Variants in ARHGEF39 observed in about 807,000 individuals in gnomAD.
ARHGEF39 encodes Rho guanine nucleotide exchange factor (GEF) 39.
ARHGEF39 carries 45 observed loss-of-function variants against 47.5 expected under a neutral mutation model. The ratio of observed to expected loss-of-function variants is 0.95; its 90% confidence interval spans 0.75 to 1.22. The LOEUF is 1.22. Ranked by LOEUF, ARHGEF39 falls within the 50% of genes most tolerant of loss-of-function variation. The pLI is 0.00. For missense variants in ARHGEF39, 411 were observed against 425.3 expected, an observed-to-expected ratio of 0.97 and a Z score of 0.30; for synonymous variants, 164 against 167.8, an observed-to-expected ratio of 0.98 and a Z score of 0.17.
In ARHGEF39 at chr9:35,661,145, G is replaced by A; in HGVS notation, c.*842C>T. The stretch of plus-strand genomic sequence containing the variant: ...GTCACAGCCTTGGCTGGGAAGGAGG[G>A]ACGACAGCTGAAGGTCGACTAAAAC... On this transcript the variant is annotated 3_prime_UTR_variant, in exon 9 of 9. Transcript: ENST00000378387. 2 of 1,610,674 alleles carry A rather than the reference G, an allele frequency of 1.2e-6. No homozygotes were observed. Among genetic ancestry groups the A allele is most frequent in the Non-Finnish European group, 1.7e-6 (2 of 1,177,778 alleles).
chr9:35,659,415 TAC>T lies in ARHGEF39; in HGVS notation c.*2570_*2571del, dbSNP rs1485654607. ...AGTAAATTCTGTTCTTGGACCTGAG[TAC>T]AGTCTGGGAGAAACATAATGTAGCA... On this transcript the variant is annotated 3_prime_UTR_variant, in exon 9 of 9. Transcript: ENST00000378387. 2.0e-5 allele frequency: 3 copies of T among 152,290 alleles called. No homozygotes were observed. The highest frequency in any genetic ancestry group is 6.5e-5 in the Admixed American group (1 of 15,294). 9.4% of individuals were successfully genotyped at this position (152,290 alleles called of 1,614,324 possible). A position where few individuals can be genotyped will look rare whatever the true frequency, so the allele number is the denominator to read the frequency against.
intron 2 of ARHGEF39, 29 bp from the exon 3 acceptor site, chr9:35,664,521 G>T (rs746584169): frequency 1.8e-5 from 28 of 1,569,076 alleles, no homozygotes; most frequent in Admixed American, 6.0e-5. Flanking sequence ...CAAAAGGGCA[G>T]CTCTAGAACC....
rs759993185 is a variant in ARHGEF39, at chr9:35,665,195, C to G, written c.-26G>C. 15 of 1,450,274 alleles carry G rather than the reference C, an allele frequency of 1.0e-5. No homozygotes were observed. The East Asian group carries it at 4.1e-4, about 40-fold the overall frequency. 89.8% of individuals were successfully genotyped at this position (1,450,274 alleles called of 1,614,324 possible). A position where few individuals can be genotyped will look rare whatever the true frequency, so the allele number is the denominator to read the frequency against. ...GCCCTGGCTGAGGGATCGACACTTCCGGCTGCAGTCCGCGGCAGATTCAAA... is the reference window on the plus strand; with the variant it reads ...GCCCTGGCTGAGGGATCGACACTTCGGGCTGCAGTCCGCGGCAGATTCAAA... On this transcript the variant is annotated 5_prime_UTR_variant, in exon 1 of 9. Transcript: ENST00000378387.
In ARHGEF39 at chr9:35,665,043, G is replaced by A; in HGVS notation, c.127C>T (p.Leu43=). The stretch of plus-strand genomic sequence containing the variant: ...GCCAGGTCCCCCACCGTGGCCACCA[G>A]CCCCAGCTGTTCTTGGTAGCGCCGC... ...TERRYQEQLG[L]VATYFLGILK... Residue 43 remains leucine, a synonymous_variant, in exon 1 of 9, where the codon CTG becomes TTG. Transcript: ENST00000378387. 1 of 1,563,076 alleles carries A rather than the reference G, an allele frequency of 6.4e-7. No individual in the cohort carries two copies. Among genetic ancestry groups the A allele is most frequent in the Non-Finnish European group, 8.7e-7 (1 of 1,155,596 alleles).
rs1257149995 is a variant in ARHGEF39, at chr9:35,665,165, T to G, written c.5A>C (p.Glu2Ala). The change falls in exon 1 of 9, where the codon GAG (glutamate) becomes GCG (alanine). Residue 2 changes from glutamate to alanine, a missense_variant. By Grantham distance (107) the Glu-to-Ala change is moderately radical (BLOSUM62 -1). Coordinates refer to ENST00000378387, the MANE Select transcript of ARHGEF39 (RefSeq NM_032818.3). ...GCACCGCGAACCGGGGCAGGAGAGCTCCATGCCCTGGCTGAGGGATCGACA... is the reference window on the plus strand; with the variant it reads ...GCACCGCGAACCGGGGCAGGAGAGCGCCATGCCCTGGCTGAGGGATCGACA... MELSCPGSRCPV... is the reference protein window; with the variant it reads MALSCPGSRCPV... The G allele has an allele frequency of 1.3e-6, 2 of 1,491,012 alleles. No individual in the cohort carries two copies. The highest frequency in any genetic ancestry group is 1.8e-6 in the Non-Finnish European group (2 of 1,115,988). 92.4% of individuals were successfully genotyped at this position (1,491,012 alleles called of 1,614,324 possible). A position where few individuals can be genotyped will look rare whatever the true frequency, so the allele number is the denominator to read the frequency against.
chr9:35,662,428 A>C (rs1165613333), intron 7 of ARHGEF39, 84 bp downstream of exon 7: 2 of 1,471,252 alleles, frequency 1.4e-6, no homozygotes, highest in Non-Finnish European at 1.9e-6. Context: ...TGTTCCTATG[A>C]AAAGGGACCC....
rs760926510 is a variant in ARHGEF39, at chr9:35,662,691, C to T, written c.724G>A (p.Glu242Lys). The stretch of plus-strand genomic sequence containing the variant: ...AGGAAGAACATGCGGGGCCGAGGCT[C>T]CCCATGGGGAGGCACCACTAACAGC... ...GWLLVVPPHG[E>K]PRPRMFFLFT... Residue 242 changes from glutamate (E) to lysine (K), a missense_variant, in exon 7 of 9, where the codon GAG (glutamate) becomes AAG (lysine). Physicochemically the swap from Glu to Lys is moderately conservative, Grantham distance 56. Coordinates refer to ENST00000378387, the MANE Select transcript of ARHGEF39 (RefSeq NM_032818.3). 5 of 1,583,798 alleles carry T rather than the reference C, an allele frequency of 3.2e-6. No homozygotes were observed. The highest frequency in any genetic ancestry group is 4.3e-6 in the Non-Finnish European group (5 of 1,165,214).
intron 8 of ARHGEF39, 88 bp from the exon 9 acceptor site, chr9:35,662,090 A>T: frequency 6.3e-7 from 1 of 1,599,342 alleles, no homozygotes; most frequent in Admixed American, 1.7e-5. Context: ...GGGGTGTGCC[A>T]GACCAATGTA....
Position 35,660,321 on chromosome 9 carries a change from C to A in ARHGEF39, c.*1666G>T. On this transcript the variant is annotated 3_prime_UTR_variant, in exon 9 of 9. Coordinates refer to ENST00000378387, the MANE Select transcript of ARHGEF39 (RefSeq NM_032818.3). ...CTGTCTCCATCTCAAATTGCACTCTCTCTTGGCTGGCTCTGGAGACTGAGG... is the reference window on the plus strand; with the variant it reads ...CTGTCTCCATCTCAAATTGCACTCTATCTTGGCTGGCTCTGGAGACTGAGG... 1 of 1,267,574 alleles carries A rather than the reference C, an allele frequency of 7.9e-7. No homozygotes were observed. Among genetic ancestry groups the A allele is most frequent in the Non-Finnish European group, 1.1e-6 (1 of 907,114 alleles). The allele number at this position is 1,267,574 out of a possible 1,614,324, so 78.5% of individuals were successfully genotyped here. A position where few individuals can be genotyped will look rare whatever the true frequency, so the allele number is the denominator to read the frequency against.
At chr9:35,663,878 G>A in intron 4 of ARHGEF39, 130 bp downstream of exon 4, 1 of 960,422 alleles carries the variant, frequency 1.0e-6, no homozygotes, top group Non-Finnish European at 1.6e-6. Flanking sequence ...CTTGCAAAAG[G>A]TTTTTAGAAG....
Position 35,661,721 on chromosome 9 carries a change from C to T in ARHGEF39, c.*266G>A, listed in dbSNP as rs982717607. The T allele has an allele frequency of 2.9e-5, 13 of 450,938 alleles. No individual in the cohort carries two copies. In the East Asian group the frequency reaches 4.2e-4, roughly 15 times the overall value. The allele number at this position is 450,938 out of a possible 1,614,324, so 27.9% of individuals were successfully genotyped here. On this transcript the variant is annotated 3_prime_UTR_variant, in exon 9 of 9. Transcript: ENST00000378387. Reference sequence around the variant, plus strand: ...GACAGGGTCTCACTCACTGTGTTGCCCAGGCTGGTCTTGAACTCCTGGGCT... The same window carrying T: ...GACAGGGTCTCACTCACTGTGTTGCTCAGGCTGGTCTTGAACTCCTGGGCT...
Position 35,662,593 on chromosome 9 carries a change from G to A in ARHGEF39, c.822C>T (p.Cys274=), listed in dbSNP as rs769578858. The change falls in exon 7 of 9, where the codon TGC becomes TGT. Residue 274 remains cysteine, a synonymous_variant. Coordinates refer to ENST00000378387, the MANE Select transcript of ARHGEF39 (RefSeq NM_032818.3). ...ACTGGGCCATGGGGTAGAGGGCCTT[G>A]CAGGCAAAGGTGCCACTCCGCAGCA... The part of the protein sequence containing the change: ...LHLLRSGTFA[C]KALYPMAQCH... 3.7e-6 allele frequency: 6 copies of A among 1,614,220 alleles called. No individual in the cohort carries two copies. The Admixed American group carries it at 1.0e-4, about 27-fold the overall frequency.
At chr9:35,663,159 C>G in intron 5 of ARHGEF39, 85 bp from the exon 6 acceptor site, 2 of 1,601,350 alleles carry the variant, frequency 1.2e-6, no homozygotes, top group Non-Finnish European at 1.7e-6. Context: ...TGGAAGGGAC[C>G]AGGGTCAGGG....
In ARHGEF39 at chr9:35,659,836, C is replaced by G. The variant is rs1474324430; in HGVS notation, c.*2151G>C. On this transcript the variant is annotated 3_prime_UTR_variant, in exon 9 of 9. Transcript: ENST00000378387. Reference sequence around the variant, plus strand: ...AATTTTGGCTTTGTGCATGAACTGTCTAACAACCAAAGTTTTTGTTTTTTT... The same window carrying G: ...AATTTTGGCTTTGTGCATGAACTGTGTAACAACCAAAGTTTTTGTTTTTTT... The G allele has an allele frequency of 1.3e-5, 2 of 152,666 alleles. No individual in the cohort carries two copies. Among genetic ancestry groups the G allele is most frequent in the Non-Finnish European group, 2.9e-5 (2 of 68,428 alleles). 9.5% of individuals were successfully genotyped at this position (152,666 alleles called of 1,614,324 possible).
At chr9:35,664,902 G>A in intron 1 of ARHGEF39, 52 bp from the exon 2 acceptor site, 13 of 1,577,214 alleles carry the variant, frequency 8.2e-6, no homozygotes, top group Non-Finnish European at 1.1e-5. Context: ...GAAGGCTAAC[G>A]CCAAGCGCCC....
At position 35,662,162 on chromosome 9, in the gene ARHGEF39, G is replaced by A. The variant is rs374982403; in HGVS notation, c.992+17C>T. ...GGCCTCATCACAGCACCCTTCCTGGGGGAAGACACAACTTACCTGATAGCC... is the reference window on the plus strand; with the variant it reads ...GGCCTCATCACAGCACCCTTCCTGGAGGAAGACACAACTTACCTGATAGCC... On this transcript the variant is annotated intron_variant, in intron 8 of 8. Coordinates refer to ENST00000378387, the MANE Select transcript of ARHGEF39 (RefSeq NM_032818.3). The A allele has an allele frequency of 5.5e-5, 89 of 1,612,280 alleles. No individual in the cohort carries two copies. In the African/African-American group the frequency reaches 1.1e-3, roughly 20 times the overall value.
In ARHGEF39 at chr9:35,660,361, C is replaced by T; in HGVS notation, c.*1626G>A. ...GGAGACTGAGGTGATGGAGCAGAACCTTGTTGCTTCAGTACTGCCCTTTCC... is the reference window on the plus strand; with the variant it reads ...GGAGACTGAGGTGATGGAGCAGAACTTTGTTGCTTCAGTACTGCCCTTTCC... On this transcript the variant is annotated 3_prime_UTR_variant, in exon 9 of 9. Transcript: ENST00000378387. The T allele has an allele frequency of 1.3e-6, 2 of 1,528,060 alleles. No individual in the cohort carries two copies. Among genetic ancestry groups the T allele is most frequent in the Non-Finnish European group, 1.8e-6 (2 of 1,133,346 alleles). The allele number at this position is 1,528,060 out of a possible 1,614,324, so 94.7% of individuals were successfully genotyped here. A position where few individuals can be genotyped will look rare whatever the true frequency, so the allele number is the denominator to read the frequency against.
At chr9:35,663,859 A>G (rs923786376) in intron 4 of ARHGEF39, 149 bp downstream of exon 4, 4 of 801,906 alleles carry the variant, frequency 5.0e-6, no homozygotes, top group Non-Finnish European at 8.3e-6. Context: ...CAATGGGTTC[A>G]CATTTACTCT....
Position 35,661,953 on chromosome 9 carries a change from AG to A in ARHGEF39, c.*33del. The A allele has an allele frequency of 6.2e-7, 1 of 1,608,884 alleles. No individual in the cohort carries two copies. The highest frequency in any genetic ancestry group is 8.5e-7 in the Non-Finnish European group (1 of 1,176,936). On this transcript the variant is annotated 3_prime_UTR_variant, in exon 9 of 9. Transcript: ENST00000378387. The stretch of plus-strand genomic sequence containing the variant: ...TACTCTTGGCTGTGACCTATCCCTG[AG>A]GTATCCTGAGTTCTGGAATCTATAA...
Sources: allele counts gnomAD v4.1 joint callset, GRCh38; gene constraint gnomAD v4.1.1; transcripts MANE v1.5; gene names NCBI Gene and HGNC (gene_info 2026-07-23, HGNC 2026-07-21).